Variants in CRB1 observed in about 807,000 individuals in gnomAD.
CRB1 encodes protein crumbs homolog 1.
In CRB1, 83 loss-of-function variants were observed where a neutral mutation model predicts 120.0. The observed-to-expected ratio is 0.69, with a 90% CI of 0.58 to 0.83. The LOEUF (loss-of-function observed/expected upper bound fraction) is 0.83. Among genes scored for constraint, CRB1 ranks in the 40% least tolerant of loss-of-function variants. The pLI, the probability that CRB1 is intolerant of heterozygous loss-of-function variation, is 0.00. For missense variants in CRB1, 1,699 were observed against 1,687.6 expected (o/e 1.01, Z -0.12); for synonymous variants, 625 against 612.5 (o/e 1.02, Z -0.30).
the CRB1 span, among the ~76,000 whole-genome samples, chr1:197,247,407 A>G: frequency 6.6e-6 from 1 of 152,136 alleles, no homozygotes; most frequent in South Asian, 2.1e-4. Context: ...CAAGTTGAAC[A>G]CTAAATTTGA....
At chr1:197,399,164 C>T (rs1439369647) in intron 5 of CRB1, among the ~76,000 whole-genome samples, 12 of 152,066 alleles carry the variant, frequency 7.9e-5, no homozygotes, top group Admixed American at 7.9e-4. Context: ...CTCAAGCCCA[C>T]CTTTATCCCC....
At chr1:197,262,393 T>G in the CRB1 span, among the ~76,000 whole-genome samples, 6 of 152,230 alleles carry the variant, frequency 3.9e-5, no homozygotes, top group Non-Finnish European at 8.8e-5. Flanking sequence ...TTATGGCACC[T>G]AATTTATTCT....
the CRB1 span, among the ~76,000 whole-genome samples, chr1:197,261,555 TCTATC>T: frequency 2.6e-5 from 4 of 152,202 alleles, no homozygotes; most frequent in Admixed American, 6.5e-5. Flanking sequence ...TCTCTATTCA[TCTATC>T]CATCATCTAT....
At chr1:197,307,054 A>G (rs1657217792) in intron 1 of CRB1, among the ~76,000 whole-genome samples, 1 of 152,194 alleles carries the variant, frequency 6.6e-6, no homozygotes, top group South Asian at 2.1e-4. Context: ...ATTCAAAGAT[A>G]TTTTGAATAT....
intron 1 of CRB1, among the ~76,000 whole-genome samples, chr1:197,326,068 G>A (rs1479316514): frequency 2.6e-5 from 4 of 151,934 alleles, no homozygotes; most frequent in African/African-American, 4.8e-5. Context: ...AAAAGATCAA[G>A]GATCAATAAT....
chr1:197,239,791 C>T, the CRB1 span, among the ~76,000 whole-genome samples: 52 of 149,856 alleles, frequency 3.5e-4, 1 homozygote, highest in East Asian at 9.8e-3. Context: ...TTGATATATC[C>T]ATTTTAATAT....
chr1:197,231,960 T>G, the CRB1 span, among the ~76,000 whole-genome samples: 3 of 152,180 alleles, frequency 2.0e-5, no homozygotes, highest in African/African-American at 7.2e-5. Context: ...ACTTTGCAGA[T>G]TTAATTAAAT....
chr1:197,354,777 T>C (rs1343664691), intron 4 of CRB1, among the ~76,000 whole-genome samples: 1 of 112,478 alleles, frequency 8.9e-6, no homozygotes, highest in Non-Finnish European at 1.8e-5. Flanking sequence ...TTGCCACTGC[T>C]GGCTCCAGCA....
At position 197,427,682 on chromosome 1, in the gene CRB1, T is replaced by A; in HGVS notation, c.2357T>A (p.Phe786Tyr). 6.2e-7 allele frequency: 1 copy of A among 1,613,932 alleles called. No homozygotes were observed. Among genetic ancestry groups the A allele is most frequent in the Non-Finnish European group, 8.5e-7 (1 of 1,179,940 alleles). ...AACTCTCCCAAATTAGTAGTAAAAT[T>A]TGTTCTTAATGATGGAAATGTCCAC... ...TPNSPKLVVK[F>Y]VLNDGNVHLI... Residue 786 changes from phenylalanine (F) to tyrosine (Y), a missense_variant, in exon 7 of 12, where the codon TTT becomes TAT. Physicochemically the swap from Phe to Tyr is conservative, Grantham distance 22. Transcript: ENST00000367400.
Position 197,314,697 on chromosome 1 carries a change from G to A in CRB1, c.71-13725G>A, listed in dbSNP as rs577223937. On this transcript the variant is annotated intron_variant, in intron 1 of 11. Transcript: ENST00000367400. ...GAATGCTTTTATTTTGTTTTTGAAT[G>A]TATGGCATCTTTCTTTCTGTATAAT... 9.9e-5 allele frequency among the ~76,000 whole-genome samples: 15 copies of A among 152,166 alleles called. No homozygotes were observed. In the East Asian group the frequency reaches 2.5e-3, roughly 26 times the overall value.
At chr1:197,258,357 C>G in the CRB1 span, among the ~76,000 whole-genome samples, 3 of 152,136 alleles carry the variant, frequency 2.0e-5, no homozygotes, top group African/African-American at 7.2e-5. Flanking sequence ...GCCTCCCCAT[C>G]CCATGTTTTC....
chr1:197,475,879 G>T (rs1308044983), intron 11 of CRB1, among the ~76,000 whole-genome samples: 1 of 151,934 alleles, frequency 6.6e-6, no homozygotes, highest in Non-Finnish European at 1.5e-5. Context: ...TAAATTCTAA[G>T]GACTTTTATG....
chr1:197,389,953 C>G (rs959101776), intron 5 of CRB1, among the ~76,000 whole-genome samples: 2 of 151,708 alleles, frequency 1.3e-5, no homozygotes, highest in African/African-American at 2.4e-5. Flanking sequence ...TCTGCCACAG[C>G]TTTGTTTTTG....
At chr1:197,321,182 C>T (rs542829814) in intron 1 of CRB1, among the ~76,000 whole-genome samples, 3 of 152,284 alleles carry the variant, frequency 2.0e-5, no homozygotes, top group African/African-American at 7.2e-5. Flanking sequence ...TGCACATGAG[C>T]TGAGGCATGT....
At chr1:197,263,707 T>C (rs976559273), upstream of CRB1, among the ~76,000 whole-genome samples, 4 of 152,192 alleles carry the variant, frequency 2.6e-5, no homozygotes, top group Middle Eastern at 3.4e-3. Context: ...GCTTCTGAGA[T>C]AGAACTTTCT....
intron 5 of CRB1, among the ~76,000 whole-genome samples, chr1:197,399,959 G>A (rs1223362480): frequency 6.6e-6 from 1 of 152,064 alleles, no homozygotes; most frequent in African/African-American, 2.4e-5. Flanking sequence ...CACGACCTTT[G>A]CCATATTCTG....
At chr1:197,427,377 G>A (rs573071207) in intron 6 of CRB1, 77 bp from the exon 7 acceptor site, 63 of 1,309,512 alleles carry the variant, frequency 4.8e-5, no homozygotes, top group African/African-American at 2.8e-4. Context: ...TATAATTTTC[G>A]TCTTCCATCC....
intron 5 of CRB1, among the ~76,000 whole-genome samples, chr1:197,415,562 G>A (rs1458814350): frequency 6.2e-5 from 9 of 144,404 alleles, no homozygotes; most frequent in Admixed American, 6.2e-4. Flanking sequence ...ATCGATGAGT[G>A]TTTTGTTTAT....
chr1:197,470,271 T>C (rs1182824638), intron 11 of CRB1, among the ~76,000 whole-genome samples: 1 of 152,134 alleles, frequency 6.6e-6, no homozygotes, highest in Non-Finnish European at 1.5e-5. Flanking sequence ...AAAAACTCTA[T>C]AGACTTCACA....
Sources: allele counts gnomAD v4.1 joint callset (sites outside exome capture counted in the v4.1 genomes callset), GRCh38; gene constraint gnomAD v4.1.1; transcripts MANE v1.5; gene names NCBI Gene and HGNC (gene_info 2026-07-23, HGNC 2026-07-21).